Variants in ZIM3 observed in about 807,000 individuals in gnomAD.
The protein encoded by ZIM3 is zinc finger protein 657.
Under a neutral mutation model 12.9 loss-of-function variants are expected in ZIM3, and 11 were observed. That is an observed-to-expected ratio of 0.85 (90% CI 0.54 to 1.41). The LOEUF (loss-of-function observed/expected upper bound fraction) is 1.41, where lower values mean the gene tolerates loss of function less well. Ranked by LOEUF, ZIM3 falls within the 40% of genes most tolerant of loss-of-function variation. The pLI is 0.00. For missense variants in ZIM3, 604 were observed against 557.2 expected (o/e 1.08, Z -0.85); for synonymous variants, 205 against 198.5 (o/e 1.03, Z -0.28).
chr19:57,138,030 GGAAAGAAGGAAGGAAGGAAGGAAA>G (rs2086896817), intron 3 of ZIM3, among the ~76,000 whole-genome samples: 1 of 75,756 alleles, frequency 1.3e-5, no homozygotes, highest in Admixed American at 1.6e-4. Flanking sequence ...AAAGAAGGAA[GGAAAGAAGGAAGGAAGGAAGGAAA>G]GAAGGAAGGA....
intron 1 of ZIM3, among the ~76,000 whole-genome samples, chr19:57,144,168 T>C (rs1219851113): frequency 6.6e-6 from 1 of 152,052 alleles, no homozygotes; most frequent in African/African-American, 2.4e-5. Context: ...CCTCCTACCT[T>C]GGCCTCCTGA....
chr19:57,136,916 C>T lies in ZIM3; in HGVS notation c.198G>A (p.Glu66=), dbSNP rs957634359. 1 of 1,614,058 alleles carries T rather than the reference C, an allele frequency of 6.2e-7. No individual in the cohort carries two copies. Among genetic ancestry groups the T allele is most frequent in the African/African-American group, 1.3e-5 (1 of 74,924 alleles). ...DVILRLEQGK[E]PWLEEEEVLG... ...GCACTTCCTCTTCCTCCAACCATGG[C>T]TCCTTTCCTTGTTCCAACCTCAAGA... The change falls in exon 4 of 5, where the codon GAG becomes GAA. Residue 66 remains glutamate, a synonymous_variant. Transcript: ENST00000269834.
chr19:57,134,690 T>G lies in ZIM3; in HGVS notation c.*228A>C. ...GCACATTTGGTTTATTGCTACATCT[T>G]CAGTGTTTAAGAGTTCCTGGTACAC... On this transcript the variant is annotated 3_prime_UTR_variant, in exon 5 of 5. Transcript: ENST00000269834. The G allele has an allele frequency of 2.0e-6, 1 of 493,662 alleles. No homozygotes were observed. Among genetic ancestry groups the G allele is most frequent in the East Asian group, 3.3e-5 (1 of 30,584 alleles). 30.6% of individuals were successfully genotyped at this position (493,662 alleles called of 1,614,324 possible).
chr19:57,138,339 C>A (rs747493311), intron 3 of ZIM3, 133 bp downstream of exon 3: 13 of 1,320,206 alleles, frequency 9.8e-6, no homozygotes, highest in Non-Finnish European at 1.3e-5. Flanking sequence ...TTGCCTCACC[C>A]TAGTCCCGGC....
At chr19:57,143,784 C>A (rs2086925572) in intron 1 of ZIM3, among the ~76,000 whole-genome samples, 1 of 150,940 alleles carries the variant, frequency 6.6e-6, no homozygotes, top group South Asian at 2.1e-4. Context: ...CAAGGGATTC[C>A]CCTGCCTCAG....
At chr19:57,139,942 T>A (rs1274998864) in intron 2 of ZIM3, among the ~76,000 whole-genome samples, 1 of 151,990 alleles carries the variant, frequency 6.6e-6, no homozygotes, top group African/African-American at 2.4e-5. Context: ...TCACACAGGG[T>A]CACACAGCAC....
chr19:57,136,144 T>C, intron 4 of ZIM3, 49 bp from the exon 5 acceptor site: 2 of 1,496,076 alleles, frequency 1.3e-6, no homozygotes, highest in Non-Finnish European at 9.1e-7. Context: ...TCCACTCACA[T>C]GCTTGAAATA....
chr19:57,138,279 C>A (rs2086898840), intron 3 of ZIM3, among the ~76,000 whole-genome samples, 193 bp downstream of exon 3: 2 of 152,222 alleles, frequency 1.3e-5, no homozygotes, highest in South Asian at 2.1e-4. Flanking sequence ...CCGGCACTTG[C>A]CGACCCTGAG....
Position 57,134,615 on chromosome 19 carries a change from T to C in ZIM3, c.*303A>G. 1 of 276,784 alleles carries C rather than the reference T, an allele frequency of 3.6e-6. No homozygotes were observed. The highest frequency in any genetic ancestry group is 6.8e-6 in the Non-Finnish European group (1 of 147,412). The allele number at this position is 276,784 out of a possible 1,614,324, so 17.1% of individuals were successfully genotyped here. A position where few individuals can be genotyped will look rare whatever the true frequency, so the allele number is the denominator to read the frequency against. On this transcript the variant is annotated 3_prime_UTR_variant, in exon 5 of 5. Coordinates refer to ENST00000269834, the MANE Select transcript of ZIM3 (RefSeq NM_052882.1). ...AGTCTTTTAAACGTTTTTAAAGATATGGATACCACTGGTCATTATTCACTG... is the reference window on the plus strand; with the variant it reads ...AGTCTTTTAAACGTTTTTAAAGATACGGATACCACTGGTCATTATTCACTG...
In ZIM3 at chr19:57,138,046, G is replaced by A. The variant is rs867420272; in HGVS notation, c.142+426C>T. Among the ~76,000 whole-genome samples, 39 of 71,862 alleles carry A rather than the reference G, an allele frequency of 5.4e-4. No individual in the cohort carries two copies. In the East Asian group the frequency reaches 5.8e-3, roughly 11 times the overall value. 47.1% of individuals were successfully genotyped at this position (71,862 alleles called of 152,430 possible). A position where few individuals can be genotyped will look rare whatever the true frequency, so the allele number is the denominator to read the frequency against. ...AAGAAGGAAGGAAAGAAGGAAGGAA[G>A]GAAGGAAAGAAGGAAGGAAGGAAGG... On this transcript the variant is annotated intron_variant, in intron 3 of 4. Transcript: ENST00000269834.
intron 2 of ZIM3, 141 bp downstream of exon 2, chr19:57,142,488 A>G (rs2086917908): frequency 1.2e-6 from 1 of 851,498 alleles, no homozygotes; most frequent in Non-Finnish European, 1.9e-6. Context: ...AGCAGAAAGT[A>G]GAGTGTGTGT....
Position 57,135,300 on chromosome 19 carries a change from T to G in ZIM3, c.1037A>C (p.Gln346Pro). The change falls in exon 5 of 5, where the codon CAG becomes CCG. Residue 346 changes from glutamine to proline, a missense_variant. By Grantham distance (76) the Gln-to-Pro change is moderately conservative. Transcript: ENST00000269834. ...CTCATGATCGATGACATTGGATTTC[T>G]GGGAAAAGGCCTTCTCACATATGCT... ...KCSICEKAFS[Q>P]KSNVIDHEKI... 1 of 1,614,160 alleles carries G rather than the reference T, an allele frequency of 6.2e-7. No individual in the cohort carries two copies. The highest frequency in any genetic ancestry group is 8.5e-7 in the Non-Finnish European group (1 of 1,180,032).
chr19:57,136,198 A>C (rs1274995006), intron 4 of ZIM3, 103 bp from the exon 5 acceptor site: 1 of 1,121,408 alleles, frequency 8.9e-7, no homozygotes, highest in Non-Finnish European at 1.3e-6. Context: ...CTGGCTTCAA[A>C]CCTAATGTCT....
chr19:57,143,914 G>C (rs912359283), intron 1 of ZIM3, among the ~76,000 whole-genome samples: 8 of 152,044 alleles, frequency 5.3e-5, no homozygotes, highest in Non-Finnish European at 2.9e-5. Flanking sequence ...GATCTCAAGT[G>C]ATCCGCCGGC....
intron 3 of ZIM3, 106 bp downstream of exon 3, chr19:57,138,366 C>G (rs549307549): frequency 6.6e-7 from 1 of 1,514,606 alleles, no homozygotes; most frequent in African/African-American, 1.4e-5. Context: ...AAAACATATG[C>G]GAAGTGAGGA....
In ZIM3 at chr19:57,134,269, T is replaced by C. The variant is rs1196250706; in HGVS notation, c.*649A>G. 1 of 152,276 alleles carries C rather than the reference T, an allele frequency of 6.6e-6. No homozygotes were observed. Among genetic ancestry groups the C allele is most frequent in the Non-Finnish European group, 1.5e-5 (1 of 68,126 alleles). 9.4% of individuals were successfully genotyped at this position (152,276 alleles called of 1,614,324 possible). On this transcript the variant is annotated 3_prime_UTR_variant, in exon 5 of 5. Coordinates refer to ENST00000269834, the MANE Select transcript of ZIM3 (RefSeq NM_052882.1). Reference sequence around the variant, plus strand: ...CCTAAAAGTATAAAGTGCTGTCTTATTTGTTTATTTTATTTTATCTTATTT... The same window carrying C: ...CCTAAAAGTATAAAGTGCTGTCTTACTTGTTTATTTTATTTTATCTTATTT...
chr19:57,143,055 C>T (rs575946978), intron 1 of ZIM3, among the ~76,000 whole-genome samples: 9 of 152,010 alleles, frequency 5.9e-5, no homozygotes, highest in East Asian at 5.8e-4. Flanking sequence ...TGGCTGGGCG[C>T]GGTGACTCAT....
chr19:57,140,699 T>C (rs1184420514), intron 2 of ZIM3, among the ~76,000 whole-genome samples: 2 of 152,098 alleles, frequency 1.3e-5, no homozygotes, highest in African/African-American at 2.4e-5. Context: ...CTTGAACTCC[T>C]GGCCTCAAGT....
At chr19:57,144,651 GA>G (rs1457322027) in intron 1 of ZIM3, among the ~76,000 whole-genome samples, 1 of 152,064 alleles carries the variant, frequency 6.6e-6, no homozygotes, top group Non-Finnish European at 1.5e-5. Flanking sequence ...CTAAGGACTG[GA>G]GGGCCACGAA....
Sources: gnomAD v4.1 joint callset for allele counts (sites outside exome capture counted in the v4.1 genomes callset) on GRCh38, gnomAD v4.1.1 for gene constraint, MANE v1.5 for transcripts, NCBI Gene and HGNC (gene_info 2026-07-23, HGNC 2026-07-21) for gene names.